The following ANKRD36C variants were observed in gnomAD, a reference collection of about 807,000 sequenced individuals.
ANKRD36C encodes the protein ankyrin repeat domain-containing protein 36C.
A neutral mutation model predicts 276.4 loss-of-function variants in ANKRD36C; 61 were observed. The observed-to-expected ratio is 0.22, with a 90% CI of 0.18 to 0.27. The LOEUF (loss-of-function observed/expected upper bound fraction) is 0.27, where lower values mean the gene tolerates loss of function less well. Ranked by LOEUF, ANKRD36C falls within the 10% of genes least tolerant of loss-of-function variation. The pLI, the probability that ANKRD36C is intolerant of heterozygous loss-of-function variation, is 1.00. For missense variants in ANKRD36C, 1,447 were observed against 2,032.3 expected (o/e 0.71, Z 5.54); for synonymous variants, 483 against 680.1 (o/e 0.71, Z 4.51).
chr2:95,959,805 T>A (rs7565503), intron 10 of ANKRD36C, among the ~76,000 whole-genome samples: 42,214 of 148,786 alleles, frequency 0.28, 4,308 homozygotes, highest in East Asian at 0.42. Flanking sequence ...TGCCCAATAA[T>A]AACAAAGAGG....
chr2:95,948,524 C>T lies in ANKRD36C; in HGVS notation c.1362+6G>A. ...AGAAAATTAATTTCACAAGAGAGTA[C>T]TCTACCTCAGATTCCAAAGCAAACT... On this transcript the variant is annotated splice_donor_region_variant and intron_variant, in intron 17 of 66. Transcript: ENST00000456556. 1.3e-6 allele frequency: 2 copies of T among 1,534,584 alleles called. No homozygotes were observed. Among genetic ancestry groups the T allele is most frequent in the Non-Finnish European group, 1.7e-6 (2 of 1,145,520 alleles).
chr2:95,873,939 G>T (rs936079610), intron 59 of ANKRD36C, among the ~76,000 whole-genome samples: 5 of 152,242 alleles, frequency 3.3e-5, no homozygotes, highest in South Asian at 2.1e-4. Flanking sequence ...TTGCTTCAAA[G>T]AGAATAAAAT....
intron 59 of ANKRD36C, among the ~76,000 whole-genome samples, chr2:95,870,394 C>G (rs916407653): frequency 6.6e-6 from 1 of 152,232 alleles, no homozygotes; most frequent in African/African-American, 2.4e-5. Flanking sequence ...TGCTGATACC[C>G]AGGCAGACAG....
intron 59 of ANKRD36C, among the ~76,000 whole-genome samples, chr2:95,867,960 A>C (rs1476443316): frequency 6.6e-6 from 1 of 152,164 alleles, no homozygotes; most frequent in Non-Finnish European, 1.5e-5. Context: ...AACAATTCAA[A>C]TGGATCAAAT....
chr2:95,918,114 T>C (rs540062280), intron 34 of ANKRD36C, 72 bp from the exon 37 acceptor site: 1 of 1,562,560 alleles, frequency 6.4e-7, no homozygotes, highest in Middle Eastern at 2.3e-4. Flanking sequence ...TCACACAGTG[T>C]TAGCATCAAG....
At chr2:95,920,293 T>C (rs1677228273) in intron 34 of ANKRD36C, among the ~76,000 whole-genome samples, 1 of 132,610 alleles carries the variant, frequency 7.5e-6, no homozygotes, top group African/African-American at 2.6e-5. Flanking sequence ...CACATGTCTT[T>C]CGTGCAACAA....
At chr2:95,967,834 T>C (rs1198802711) in intron 6 of ANKRD36C, among the ~76,000 whole-genome samples, 2 of 152,044 alleles carry the variant, frequency 1.3e-5, no homozygotes, top group Non-Finnish European at 2.9e-5. Context: ...ATGCCTGTGA[T>C]CTCAGCATTT....
intron 30 of ANKRD36C, among the ~76,000 whole-genome samples, 157 bp downstream of exon 30, chr2:95,925,195 G>A: frequency 6.6e-6 from 1 of 151,550 alleles, no homozygotes; most frequent in East Asian, 2.0e-4. Flanking sequence ...AGGACCAGCA[G>A]CATCAGCACC....
chr2:95,925,310 G>C, intron 30 of ANKRD36C, 42 bp downstream of exon 30: 1 of 1,552,282 alleles, frequency 6.4e-7, no homozygotes, highest in Non-Finnish European at 8.7e-7. Context: ...GTTCTCTTCT[G>C]TCTTGAGTGC....
exon 1 of ANKRD36C, chr2:95,991,667 G>C (rs771437763): frequency 5.0e-6 from 8 of 1,613,984 alleles, no homozygotes; most frequent in Non-Finnish European, 5.1e-6. Context: ...AGCACAAGCG[G>C]TCCCTGAGGG....
At chr2:95,931,354 C>T (rs1171616085) in intron 24 of ANKRD36C, among the ~76,000 whole-genome samples, 1 of 149,954 alleles carries the variant, frequency 6.7e-6, no homozygotes, top group Non-Finnish European at 1.5e-5. Context: ...ATGCTTTCAC[C>T]TCATATTATG....
intron 62 of ANKRD36C, 134 bp from the exon 83 acceptor site, chr2:95,856,314 AG>A (rs1169237792): frequency 6.6e-7 from 1 of 1,508,364 alleles, no homozygotes; most frequent in African/African-American, 1.4e-5. Flanking sequence ...CTGGGAAAAA[AG>A]AAGTTGAGTC....
chr2:95,868,100 T>A (rs1675718855), intron 59 of ANKRD36C, among the ~76,000 whole-genome samples: 1 of 151,058 alleles, frequency 6.6e-6, no homozygotes, highest in Non-Finnish European at 1.5e-5. Context: ...TCTTTGCATA[T>A]ATCACTTAAT....
In ANKRD36C at chr2:95,919,385, T is replaced by C. The variant is rs572338708; in HGVS notation, c.2246-1343A>G. 1.1e-4 allele frequency among the ~76,000 whole-genome samples: 15 copies of C among 133,528 alleles called. 1 individual carries two copies. Among genetic ancestry groups the C allele is most frequent in the African/African-American group, 3.3e-4 (13 of 39,558 alleles). 87.6% of individuals were successfully genotyped at this position (133,528 alleles called of 152,430 possible). On this transcript the variant is annotated intron_variant, in intron 34 of 66. Transcript: ENST00000456556. ...GCAGTACGATGTGACGTCTGTAAAA[T>C]CTGTACTTCCTCTCTTTCTCCTTCC... is the stretch of plus-strand genomic sequence containing the variant.
At chr2:95,970,471 G>C (rs534957652) in intron 6 of ANKRD36C, among the ~76,000 whole-genome samples, 1 of 152,176 alleles carries the variant, frequency 6.6e-6, no homozygotes, top group East Asian at 1.9e-4. Context: ...TTGCCAGGGA[G>C]TACTTTCTAA....
At chr2:95,961,963 G>T (rs1364559566) in intron 8 of ANKRD36C, among the ~76,000 whole-genome samples, 1 of 151,868 alleles carries the variant, frequency 6.6e-6, no homozygotes, top group Non-Finnish European at 1.5e-5. Flanking sequence ...TTGTTTATGG[G>T]TTATTCCAAT....
chr2:95,885,135 A>G (rs891429749), intron 52 of ANKRD36C, among the ~76,000 whole-genome samples: 2 of 151,968 alleles, frequency 1.3e-5, no homozygotes, highest in Non-Finnish European at 2.9e-5. Context: ...TATGTTTTAC[A>G]TTCACAAATC....
chr2:95,980,605 A>T lies in ANKRD36C; in HGVS notation c.731+43T>A, dbSNP rs769836239. Reference sequence around the variant, plus strand: ...GATGCAATTGCTACAATTATTTTAAACTTCAATTTAGTGTTCATTAGCCTT... The same window carrying T: ...GATGCAATTGCTACAATTATTTTAATCTTCAATTTAGTGTTCATTAGCCTT... On this transcript the variant is annotated intron_variant, in intron 5 of 66. Coordinates refer to ENST00000456556, the Ensembl canonical transcript of ANKRD36C. 1.6e-5 allele frequency: 25 copies of T among 1,584,032 alleles called. No homozygotes were observed. In the South Asian group the frequency reaches 2.5e-4, roughly 16 times the overall value.
At chr2:95,961,701 A>G (rs1678464918) in intron 8 of ANKRD36C, among the ~76,000 whole-genome samples, 2 of 152,038 alleles carry the variant, frequency 1.3e-5, no homozygotes, top group Admixed American at 6.6e-5. Context: ...AAAGAGGGGT[A>G]ATGTGTCACT....
Sources: gnomAD v4.1 joint callset for allele counts (sites outside exome capture counted in the v4.1 genomes callset) on GRCh38, gnomAD v4.1.1 for gene constraint, MANE v1.5 for transcripts, NCBI Gene and HGNC (gene_info 2026-07-23, HGNC 2026-07-21) for gene names.